The following DIPK1A variants were observed in gnomAD, a reference collection of about 807,000 sequenced individuals.
The protein encoded by DIPK1A is family with sequence similarity 69 member A.
Under a neutral mutation model 40.8 loss-of-function variants are expected in DIPK1A, and 27 were observed. That is an observed-to-expected ratio of 0.66 (90% CI 0.49 to 0.91). DIPK1A has a LOEUF of 0.91. Among genes scored for constraint, DIPK1A ranks in the 40% least tolerant of loss-of-function variants. DIPK1A has a pLI of 0.00. For missense variants in DIPK1A, 412 were observed against 505.7 expected (o/e 0.81, Z 1.78); for synonymous variants, 166 against 171.3 (o/e 0.97, Z 0.24).
chr1:92,951,710 G>A (rs1490961614), intron 1 of DIPK1A, among the ~76,000 whole-genome samples: 1 of 152,110 alleles, frequency 6.6e-6, no homozygotes, highest in East Asian at 1.9e-4. Context: ...TTTGAACAGA[G>A]TTCATACATT....
chr1:92,940,520 A>G (rs906327301), intron 1 of DIPK1A, among the ~76,000 whole-genome samples: 31 of 152,304 alleles, frequency 2.0e-4, no homozygotes, highest in African/African-American at 6.3e-4. Context: ...TAATATTTCA[A>G]CTACCTCTGA....
intron 2 of DIPK1A, among the ~76,000 whole-genome samples, chr1:92,872,293 G>A (rs1198904899): frequency 6.6e-6 from 1 of 151,682 alleles, no homozygotes. Context: ...TGTTGGCCAG[G>A]CTGGTCTCAA....
chr1:92,833,174 C>A (rs1686977947), intron 4 of DIPK1A: 2 of 650,688 alleles, frequency 3.1e-6, no homozygotes, highest in South Asian at 3.6e-5. Flanking sequence ...TCTAAGGATT[C>A]ATTTTTATTG....
At chr1:92,840,687 G>T (rs1334873165), downstream of DIPK1A, 1 of 1,333,734 alleles carries the variant, frequency 7.5e-7, no homozygotes, top group Non-Finnish European at 1.1e-6. Flanking sequence ...GTTGGGAATG[G>T]TTCCCACGTG....
At chr1:92,874,337 A>G (rs905108141) in intron 2 of DIPK1A, among the ~76,000 whole-genome samples, 2 of 152,230 alleles carry the variant, frequency 1.3e-5, no homozygotes, top group Admixed American at 6.5e-5. Context: ...TAACATTACC[A>G]GATGATGTTA....
At chr1:92,859,543 T>G (rs896288990) in intron 2 of DIPK1A, among the ~76,000 whole-genome samples, 2 of 152,182 alleles carry the variant, frequency 1.3e-5, no homozygotes, top group Non-Finnish European at 2.9e-5. Flanking sequence ...GTCTCTCATA[T>G]CCAAATCAGG....
intron 4 of DIPK1A, chr1:92,834,938 A>G: frequency 6.3e-7 from 1 of 1,599,840 alleles, no homozygotes; most frequent in African/African-American, 1.3e-5. Context: ...ATTTTAATTG[A>G]TGTAGTTTGT....
chr1:92,885,794 T>C (rs931008545), intron 1 of DIPK1A, among the ~76,000 whole-genome samples: 2 of 152,182 alleles, frequency 1.3e-5, no homozygotes, highest in Admixed American at 6.5e-5. Context: ...ATTCCATCCT[T>C]CTTATTGAAA....
Position 92,842,760 on chromosome 1 carries a change from A to T in DIPK1A, c.*623T>A. Reference sequence around the variant, plus strand: ...AAGTTCATCCATTTTTAGTCAATAAAATTGGTGTACTGTCAAGTATAAGAT... The same window carrying T: ...AAGTTCATCCATTTTTAGTCAATAATATTGGTGTACTGTCAAGTATAAGAT... On this transcript the variant is annotated 3_prime_UTR_variant, in exon 5 of 5. Coordinates refer to ENST00000370310, the MANE Select transcript of DIPK1A (RefSeq NM_001006605.5). 1.0e-6 allele frequency: 1 copy of T among 985,414 alleles called. No individual in the cohort carries two copies. Among genetic ancestry groups the T allele is most frequent in the Non-Finnish European group, 1.2e-6 (1 of 829,930 alleles). 61.0% of individuals were successfully genotyped at this position (985,414 alleles called of 1,614,324 possible).
intron 1 of DIPK1A, among the ~76,000 whole-genome samples, chr1:92,891,559 C>T (rs1057466932): frequency 6.6e-6 from 1 of 152,112 alleles, no homozygotes; most frequent in African/African-American, 2.4e-5. Flanking sequence ...GGAACAGCTC[C>T]AGTCTACAGC....
intron 2 of DIPK1A, among the ~76,000 whole-genome samples, chr1:92,861,990 G>A (rs758171172): frequency 1.2e-4 from 18 of 152,078 alleles, no homozygotes; most frequent in Non-Finnish European, 2.4e-4. Context: ...ATATTGCTCA[G>A]GCTGATCTTG....
chr1:92,958,398 T>G (rs889761530), intron 1 of DIPK1A, among the ~76,000 whole-genome samples: 1 of 152,202 alleles, frequency 6.6e-6, no homozygotes, highest in Non-Finnish European at 1.5e-5. Flanking sequence ...AGGACATAAC[T>G]GGTCTTTGAC....
intron 1 of DIPK1A, among the ~76,000 whole-genome samples, chr1:92,959,902 ACTT>A (rs1232655502): frequency 0.03 from 1,297 of 43,016 alleles, 88 homozygotes; most frequent in South Asian, 0.035. Flanking sequence ...CACCCAACCA[ACTT>A]TTTTTTTTTT....
intron 4 of DIPK1A, chr1:92,836,427 C>T (rs770667894): frequency 3.3e-5 from 52 of 1,579,990 alleles, no homozygotes; most frequent in East Asian, 2.2e-4. Context: ...GTGCCTGGAC[C>T]GTGGTACTTC....
At chr1:92,837,606 C>T (rs2100688631), downstream of DIPK1A, 1 of 1,612,058 alleles carries the variant, frequency 6.2e-7, no homozygotes. Flanking sequence ...TCTCTCAATA[C>T]ATAAAGAACA....
At chr1:92,855,729 A>G (rs145893211) in intron 2 of DIPK1A, among the ~76,000 whole-genome samples, 1 of 151,836 alleles carries the variant, frequency 6.6e-6, no homozygotes, top group Non-Finnish European at 1.5e-5. Flanking sequence ...AACAATAATG[A>G]AAATAAACTC....
chr1:92,947,226 G>A (rs1251114042), intron 1 of DIPK1A, among the ~76,000 whole-genome samples: 3 of 151,992 alleles, frequency 2.0e-5, no homozygotes, highest in African/African-American at 7.3e-5. Context: ...TCAAAATACA[G>A]AAAATCATCA....
In DIPK1A at chr1:92,860,303, T is replaced by C. The variant is rs1198864666; in HGVS notation, c.190-9348A>G. 3.9e-5 allele frequency among the ~76,000 whole-genome samples: 6 copies of C among 152,154 alleles called. No homozygotes were observed. The East Asian group carries it at 9.7e-4, about 25-fold the overall frequency. ...TCTCAGAGTTTCTGGACTCAGTAGGTCTTGGATTAGGCTGAAAATATGCAT... is the reference window on the plus strand; with the variant it reads ...TCTCAGAGTTTCTGGACTCAGTAGGCCTTGGATTAGGCTGAAAATATGCAT... On this transcript the variant is annotated intron_variant, in intron 2 of 4. Coordinates refer to ENST00000370310, the MANE Select transcript of DIPK1A (RefSeq NM_001006605.5).
chr1:92,842,963 C>T lies in DIPK1A; in HGVS notation c.*420G>A. The T allele has an allele frequency of 1.0e-6, 1 of 989,950 alleles. No homozygotes were observed. The highest frequency in any genetic ancestry group is 1.2e-6 in the Non-Finnish European group (1 of 832,946). The allele number at this position is 989,950 out of a possible 1,614,324, so 61.3% of individuals were successfully genotyped here. A position where few individuals can be genotyped will look rare whatever the true frequency, so the allele number is the denominator to read the frequency against. ...GTCTTAATTTCTGTTAATGTGCAAA[C>T]TTTACCATGCTAAGACATTAGTAAA... On this transcript the variant is annotated 3_prime_UTR_variant, in exon 5 of 5. Transcript: ENST00000370310.
Sources: gnomAD v4.1 joint callset for allele counts (sites outside exome capture counted in the v4.1 genomes callset) on GRCh38, gnomAD v4.1.1 for gene constraint, MANE v1.5 for transcripts, NCBI Gene and HGNC (gene_info 2026-07-23, HGNC 2026-07-21) for gene names.